PSME2: variants seen among roughly 807,000 people sequenced by gnomAD.
PSME2 encodes proteasome activator subunit 2.
Under a neutral mutation model 38.8 loss-of-function variants are expected in PSME2, and 20 were observed. That is an observed-to-expected ratio of 0.52 (90% CI 0.36 to 0.75). The LOEUF (loss-of-function observed/expected upper bound fraction) is 0.75, where lower values mean the gene tolerates loss of function less well. Among genes scored for constraint, PSME2 ranks in the 30% least tolerant of loss-of-function variants. The pLI is 0.00. For missense variants in PSME2, 227 were observed against 287.6 expected (o/e 0.79, Z 1.52); for synonymous variants, 82 against 102.5 (o/e 0.80, Z 1.21).
intron 7 of PSME2, 62 bp downstream of exon 7, chr14:24,144,338 A>T: frequency 1.2e-6 from 2 of 1,608,642 alleles, no homozygotes; most frequent in Non-Finnish European, 1.7e-6. Flanking sequence ...CTCCTGGTTC[A>T]TGTCTAGCTC....
chr14:24,145,479 A>G lies in PSME2; in HGVS notation c.145-14T>C. The G allele has an allele frequency of 6.5e-7, 1 of 1,542,748 alleles. No homozygotes were observed. The highest frequency in any genetic ancestry group is 8.7e-7 in the Non-Finnish European group (1 of 1,145,574). On this transcript the variant is annotated splice_polypyrimidine_tract_variant and intron_variant, in intron 3 of 10. Transcript: ENST00000216802. ...GAGGGAGTCCTCCTGCACAGAGCTC[A>G]CTGTCAAGGGCTGCCCAACCTCTTC...
intron 3 of PSME2, 73 bp from the exon 4 acceptor site, chr14:24,145,538 A>T (rs768007551): frequency 3.4e-5 from 51 of 1,486,472 alleles, no homozygotes; most frequent in Non-Finnish European, 4.2e-5. Context: ...CCCTCCATAC[A>T]TCCCACTTGC....
In PSME2 at chr14:24,144,470, T is replaced by C. The variant is rs752520470; in HGVS notation, c.361-2A>G. 2.5e-6 allele frequency: 4 copies of C among 1,609,324 alleles called. No homozygotes were observed. In the Admixed American group the frequency reaches 5.0e-5, roughly 20 times the overall value. On this transcript the variant is annotated splice_acceptor_variant, in intron 6 of 10. Transcript: ENST00000216802. LOFTEE classifies it high-confidence loss of function. Reference sequence around the variant, plus strand: ...CAGGTGTTGGATCCATGTAATCACCTGTGTTAAGAGGTATCATGTAAGAAT... The same window carrying C: ...CAGGTGTTGGATCCATGTAATCACCCGTGTTAAGAGGTATCATGTAAGAAT...
At chr14:24,146,182 C>T in intron 2 of PSME2, 26 bp downstream of exon 2, 1 of 1,611,630 alleles carries the variant, frequency 6.2e-7, no homozygotes, top group Non-Finnish European at 8.5e-7. Flanking sequence ...GATTCTGGGT[C>T]AAATCGCTCA....
rs888286391 is a variant in PSME2 at position 24,143,780 on chromosome 14, C to T, written c.553-109G>A. 2.2e-6 allele frequency: 3 copies of T among 1,338,802 alleles called. No individual in the cohort carries two copies. In the African/African-American group the frequency reaches 4.4e-5, roughly 19 times the overall value. 82.9% of individuals were successfully genotyped at this position (1,338,802 alleles called of 1,614,324 possible). A position where few individuals can be genotyped will look rare whatever the true frequency, so the allele number is the denominator to read the frequency against. ...CTTGAGAATGAACCCCTTCTTAGCACCAAGAAATAGGATCCCAAAGGACTG... is the reference window on the plus strand; with the variant it reads ...CTTGAGAATGAACCCCTTCTTAGCATCAAGAAATAGGATCCCAAAGGACTG... On this transcript the variant is annotated intron_variant, in intron 9 of 10. Coordinates refer to ENST00000216802, the MANE Select transcript of PSME2 (RefSeq NM_002818.3). The surrounding 1 kb of genome is among the most constrained non-coding windows in gnomAD (Gnocchi z 4.4).
rs372361345 is a variant in PSME2, at chr14:24,143,563, T to C, written c.639+22A>G. The C allele has an allele frequency of 1.9e-6, 3 of 1,613,640 alleles. No homozygotes were observed. The highest frequency in any genetic ancestry group is 2.5e-6 in the Non-Finnish European group (3 of 1,179,612). ...CCTGCCCCCACTCATCCACCTCCCC[T>C]AAAGCCTTACTCCACACTCACATAG... is the stretch of plus-strand genomic sequence containing the variant. On this transcript the variant is annotated intron_variant, in intron 10 of 10. Transcript: ENST00000216802. The surrounding 1 kb of genome is among the most constrained non-coding windows in gnomAD (Gnocchi z 4.4).
chr14:24,143,546 C>A lies in PSME2; in HGVS notation c.639+39G>T, dbSNP rs770947488. On this transcript the variant is annotated intron_variant, in intron 10 of 10. Transcript: ENST00000216802. The surrounding 1 kb of genome is among the most constrained non-coding windows in gnomAD (Gnocchi z 4.4). ...TCTTAGCCAATCCCCTGCCTGCCCC[C>A]ACTCATCCACCTCCCCTAAAGCCTT... 5 of 1,613,044 alleles carry A rather than the reference C, an allele frequency of 3.1e-6. No homozygotes were observed. Among genetic ancestry groups the A allele is most frequent in the Non-Finnish European group, 4.2e-6 (5 of 1,179,064 alleles).
intron 7 of PSME2, 45 bp downstream of exon 7, chr14:24,144,355 T>C (rs1449943833): frequency 1.9e-6 from 3 of 1,607,450 alleles, no homozygotes; most frequent in South Asian, 1.1e-5. Flanking sequence ...GCTCACCCCC[T>C]GAGGCTCTCC....
In PSME2 at chr14:24,145,777, G is replaced by A. The variant is rs759214734; in HGVS notation, c.82-5C>T. The A allele has an allele frequency of 6.2e-7, 1 of 1,611,832 alleles. No individual in the cohort carries two copies. The highest frequency in any genetic ancestry group is 1.7e-5 in the Admixed American group (1 of 60,018). On this transcript the variant is annotated splice_region_variant and splice_polypyrimidine_tract_variant and intron_variant, in intron 2 of 10. Coordinates refer to ENST00000216802, the MANE Select transcript of PSME2 (RefSeq NM_002818.3). ...TCTGTAGAGGAATTCCTCAGCCTGT[G>A]GGTTACATTGCAAGGGAGGGGAATC...
intron 2 of PSME2, 95 bp from the exon 3 acceptor site, chr14:24,145,867 C>G (rs893573920): frequency 1.5e-5 from 20 of 1,323,362 alleles, no homozygotes; most frequent in Non-Finnish European, 2.1e-5. Context: ...ATCACTGGGT[C>G]CAAGACTTGC....
intron 3 of PSME2, 81 bp downstream of exon 3, chr14:24,145,629 T>C: frequency 6.6e-7 from 1 of 1,512,228 alleles, no homozygotes; most frequent in South Asian, 1.1e-5. Context: ...CTCTGCATGC[T>C]GAATCCAGTT....
chr14:24,146,426 G>GA (rs2038157452), intron 1 of PSME2, 108 bp downstream of exon 1: 1 of 1,491,290 alleles, frequency 6.7e-7, no homozygotes, highest in African/African-American at 1.4e-5. Flanking sequence ...GAAGGCACTA[G>GA]CGAGATTGGG....
chr14:24,145,499 C>T, intron 3 of PSME2, 34 bp from the exon 4 acceptor site: 1 of 1,532,790 alleles, frequency 6.5e-7, no homozygotes, highest in Non-Finnish European at 8.8e-7. Flanking sequence ...GCTGCCCAAC[C>T]TCTTCCCTTC....
chr14:24,146,053 T>C lies in PSME2; in HGVS notation c.81+155A>G, dbSNP rs566512546. On this transcript the variant is annotated intron_variant, in intron 2 of 10. Transcript: ENST00000216802. ...GTCATAAGAAAGGTCAGATTAAAGG[T>C]AGCTATCAATAATTCCGGGGTTACT... is the stretch of plus-strand genomic sequence containing the variant. 16 of 928,160 alleles carry C rather than the reference T, an allele frequency of 1.7e-5. No individual in the cohort carries two copies. In the East Asian group the frequency reaches 1.8e-4, roughly 10 times the overall value. The allele number at this position is 928,160 out of a possible 1,614,324, so 57.5% of individuals were successfully genotyped here.
Position 24,143,383 on chromosome 14 carries a change from C to G in PSME2, c.*26G>C, listed in dbSNP as rs373174297. ...AAGGGAATCCACACAACATATAGAT[C>G]ATTTATTTTCCTTCTAGTCCCGGGT... is the stretch of plus-strand genomic sequence containing the variant. On this transcript the variant is annotated 3_prime_UTR_variant, in exon 11 of 11. Coordinates refer to ENST00000216802, the MANE Select transcript of PSME2 (RefSeq NM_002818.3). This position sits in a 1 kb window ranked among gnomAD's most constrained non-coding sequence, Gnocchi z 4.4. 6 of 1,586,506 alleles carry G rather than the reference C, an allele frequency of 3.8e-6. No individual in the cohort carries two copies. In the African/African-American group the frequency reaches 4.0e-5, roughly 11 times the overall value.
At chr14:24,146,442 T>C in intron 1 of PSME2, 92 bp downstream of exon 1, 1 of 1,547,880 alleles carries the variant, frequency 6.5e-7, no homozygotes, top group South Asian at 1.1e-5. Context: ...TTGGGGGAGT[T>C]CTCTGGCACT....
chr14:24,145,582 C>A, intron 3 of PSME2, 117 bp from the exon 4 acceptor site: 1 of 1,445,128 alleles, frequency 6.9e-7, no homozygotes, highest in Admixed American at 1.8e-5. Flanking sequence ...ATGCCTCACG[C>A]CATCCTAATG....
At chr14:24,144,947 G>A in intron 6 of PSME2, 111 bp downstream of exon 6, 1 of 1,124,112 alleles carries the variant, frequency 8.9e-7, no homozygotes, top group Non-Finnish European at 1.3e-6. Context: ...ACAGAAGGAA[G>A]TTTTCTTTTT....
rs1269878539 is a variant in PSME2, at chr14:24,143,649, T to C, written c.575A>G (p.His192Arg). 2 of 1,614,126 alleles carry C rather than the reference T, an allele frequency of 1.2e-6. No homozygotes were observed. The highest frequency in any genetic ancestry group is 2.2e-5 in the South Asian group (2 of 91,084). The change falls in exon 10 of 11, where the codon CAT becomes CGT. Residue 192 changes from histidine to arginine, a missense_variant. Physicochemically the swap from His to Arg is conservative, Grantham distance 29. Transcript: ENST00000216802. This position sits in a 1 kb window ranked among gnomAD's most constrained non-coding sequence, Gnocchi z 4.4. ...CCCATAGGCTGCCTCATCTCGCTCATGCACCAAGGCCCGGTAATCCATCTG... is the reference window on the plus strand; with the variant it reads ...CCCATAGGCTGCCTCATCTCGCTCACGCACCAAGGCCCGGTAATCCATCTG... ...THVMDYRALV[H>R]ERDEAAYGEL...
Sources: gnomAD v4.1 joint callset for allele counts on GRCh38, gnomAD v4.1.1 for gene constraint, Gnocchi (gnomAD v3.1) non-coding constraint, MANE v1.5 for transcripts, NCBI Gene and HGNC (gene_info 2026-07-23, HGNC 2026-07-21) for gene names.